KLK13: variants seen among roughly 807,000 people sequenced by gnomAD.
KLK13 encodes kallikrein-13.
In KLK13, 19 loss-of-function variants were observed where a neutral mutation model predicts 22.4. That is an observed-to-expected ratio of 0.85 (90% confidence interval 0.59 to 1.24). KLK13 has a LOEUF of 1.24. Among genes scored for constraint, KLK13 ranks in the 50% most tolerant of loss-of-function variants. The pLI, the probability that KLK13 is intolerant of heterozygous loss-of-function variation, is 0.00. For synonymous variants in KLK13, 156 were observed against 141.8 expected, an observed-to-expected ratio of 1.10 and a Z score of -0.71; for missense variants, 311 against 347.9, an observed-to-expected ratio of 0.89 and a Z score of 0.84.
chr19:51,056,892 G>A (rs1044163474), intron 4 of KLK13, 117 bp from the exon 5 acceptor site: 6 of 728,054 alleles, frequency 8.2e-6, no homozygotes, highest in Non-Finnish European at 1.4e-5. Flanking sequence ...CAGAGAAGGA[G>A]ACTCAGAGAG....
Position 51,058,633 on chromosome 19 carries a change from G to C in KLK13, c.550C>G (p.Arg184Gly). 6.2e-7 allele frequency: 1 copy of C among 1,614,154 alleles called. No individual in the cohort carries two copies. The highest frequency in any genetic ancestry group is 2.2e-5 in the East Asian group (1 of 44,888). Residue 184 changes from arginine (R) to glycine (G), a missense_variant, in exon 4 of 5, where the codon CGC becomes GGC. Transcript: ENST00000595793. Reference protein sequence around the residue: ...KTLQCANIQLRSDEECRQVYP... With the variant: ...KTLQCANIQLGSDEECRQVYP... ...ACTTGACGACACTCCTCATCTGAGC[G>C]AAGTTGGATGTTGGCACATTGTAGA...
chr19:51,064,607 A>G (rs1301825375), intron 1 of KLK13: 1 of 526,612 alleles, frequency 1.9e-6, no homozygotes, highest in East Asian at 5.1e-5. Flanking sequence ...CCTCGTTTCA[A>G]TATTCACAGT....
chr19:51,064,694 G>A (rs888414910), intron 1 of KLK13: 1 of 608,516 alleles, frequency 1.6e-6, no homozygotes, highest in African/African-American at 1.8e-5. Flanking sequence ...CAGCTGCTAG[G>A]CTACTGGCTC....
intron 4 of KLK13, among the ~76,000 whole-genome samples, chr19:51,057,938 AGTGATG>A (rs1284326370): frequency 6.6e-6 from 1 of 152,206 alleles, no homozygotes; most frequent in East Asian, 1.9e-4. Flanking sequence ...GCTCTGGTGG[AGTGATG>A]GCTCAAGACA....
At position 51,059,928 on chromosome 19, in the gene KLK13, C is replaced by G. The variant is rs201907629; in HGVS notation, c.405G>C (p.Gln135His). 1.4e-5 allele frequency: 22 copies of G among 1,610,754 alleles called. No homozygotes were observed. In the East Asian group the frequency reaches 4.7e-4, roughly 34 times the overall value. The part of the protein sequence containing the change: ...IMLLELQSPV[Q>H]LTGYIQTLPL... ...GCAGGGTTTGGATGTAGCCTGTGAGCTGGACCGGGGACTGCAGCTCCAGAA... is the reference window on the plus strand; with the variant it reads ...GCAGGGTTTGGATGTAGCCTGTGAGGTGGACCGGGGACTGCAGCTCCAGAA... Residue 135 changes from glutamine (Q) to histidine (H), a missense_variant, in exon 3 of 5, where the codon CAG becomes CAC. Physicochemically the swap from Gln to His is conservative, Grantham distance 24 (BLOSUM62 0). Coordinates refer to ENST00000595793, the MANE Select transcript of KLK13 (RefSeq NM_015596.3).
chr19:51,061,810 G>A (rs113026240), intron 1 of KLK13, among the ~76,000 whole-genome samples: 23 of 152,344 alleles, frequency 1.5e-4, no homozygotes, highest in African/African-American at 4.3e-4. Flanking sequence ...TTCCCAAGGT[G>A]TGCAGGACTC....
Position 51,059,967 on chromosome 19 carries a change from G to A in KLK13, c.366C>T (p.Asp122=). Residue 122 remains aspartate, a synonymous_variant, in exon 3 of 5, where the codon GAC becomes GAT. Coordinates refer to ENST00000595793, the MANE Select transcript of KLK13 (RefSeq NM_015596.3). The part of the protein sequence containing the change: ...YRRSPTHLNH[D]HDIMLLELQS... ...GCAGCTCCAGAAGCATGATGTCATG[G>A]TCGTGGTTCAGGTGGGTGGGGCTTC... is the stretch of plus-strand genomic sequence containing the variant. The A allele has an allele frequency of 6.2e-7, 1 of 1,613,446 alleles. No individual in the cohort carries two copies.
At position 51,065,009 on chromosome 19, in the gene KLK13, T is replaced by C. The variant is rs1265335415; in HGVS notation, c.52+7A>G. The C allele has an allele frequency of 6.4e-7, 1 of 1,550,884 alleles. No individual in the cohort carries two copies. The highest frequency in any genetic ancestry group is 1.4e-5 in the African/African-American group (1 of 73,480). ...GCCGCCGCGCCTCCACCCCCGCGCA[T>C]TCTTACCTCCTGACAAGGCCAAGGT... On this transcript the variant is annotated splice_region_variant and intron_variant, in intron 1 of 4. Transcript: ENST00000595793.
intron 4 of KLK13, among the ~76,000 whole-genome samples, chr19:51,058,324 T>C (rs1440387279): frequency 1.3e-5 from 2 of 152,226 alleles, no homozygotes; most frequent in Non-Finnish European, 2.9e-5. Flanking sequence ...CACAGGGATC[T>C]TGGCAGCCAC....
chr19:51,065,214 C>A (rs2091772072), upstream of KLK13: 6 of 551,414 alleles, frequency 1.1e-5, no homozygotes, highest in Non-Finnish European at 1.9e-5. Context: ...ACAGCCCTGA[C>A]CCTGGAATCT....
Position 51,059,987 on chromosome 19 carries a change from G to T in KLK13, c.346C>A (p.Pro116Thr). Reference sequence around the variant, plus strand: ...TCATGGTCGTGGTTCAGGTGGGTGGGGCTTCTCCGGTATTCAGGGTGGGGG... The same window carrying T: ...TCATGGTCGTGGTTCAGGTGGGTGGTGCTTCTCCGGTATTCAGGGTGGGGG... Reference protein sequence around the residue: ...SIPHPEYRRSPTHLNHDHDIM... With the variant: ...SIPHPEYRRSTTHLNHDHDIM... Residue 116 changes from proline (P) to threonine (T), a missense_variant, in exon 3 of 5, where the codon CCC becomes ACC. Physicochemically the swap from Pro to Thr is conservative, Grantham distance 38 (BLOSUM62 -1). Coordinates refer to ENST00000595793, the MANE Select transcript of KLK13 (RefSeq NM_015596.3). 1 of 1,613,594 alleles carries T rather than the reference G, an allele frequency of 6.2e-7. No homozygotes were observed.
rs986992021 is a variant in KLK13, at chr19:51,059,866, GTGGTGCCAGGGGTTAGGCGGTTGTT to G, written c.442_466del (p.Asn148ProfsTer15). ...GGTGCCCCAGCCAGACACCCGACAG[GTGGTGCCAGGGGTTAGGCGGTTGTT>G]GTGGGAAAGGGGCAGGGTTTGGATG... On this transcript the variant is annotated frameshift_variant, in exon 3 of 5. Transcript: ENST00000595793. LOFTEE classifies it high-confidence loss of function. 6.2e-7 allele frequency: 1 copy of G among 1,604,378 alleles called. No individual in the cohort carries two copies. The highest frequency in any genetic ancestry group is 1.7e-5 in the Admixed American group (1 of 59,230).
At chr19:51,062,943 G>A (rs189482470) in intron 1 of KLK13, among the ~76,000 whole-genome samples, 278 of 152,204 alleles carry the variant, frequency 1.8e-3, no homozygotes, top group African/African-American at 6.4e-3. Context: ...AGAAGTTGTC[G>A]GTGAGCACAG....
intron 4 of KLK13, among the ~76,000 whole-genome samples, chr19:51,057,866 C>T (rs1235889126): frequency 6.6e-6 from 1 of 152,164 alleles, no homozygotes; most frequent in East Asian, 1.9e-4. Context: ...TTTGTCCCTG[C>T]CCCTCTCCAG....
chr19:51,061,577 T>C (rs951060302), intron 1 of KLK13, among the ~76,000 whole-genome samples: 2 of 152,244 alleles, frequency 1.3e-5, no homozygotes, highest in Admixed American at 6.5e-5. Flanking sequence ...CCAGTTCCTA[T>C]TGGTTTTATC....
intron 1 of KLK13, chr19:51,063,498 C>T: frequency 5.6e-6 from 2 of 358,322 alleles, no homozygotes; most frequent in Non-Finnish European, 5.5e-6. Flanking sequence ...CTGACTCAGG[C>T]ATCGCCGGTG....
In KLK13 at chr19:51,055,699, T is replaced by C. The variant is rs1359419084; in HGVS notation, c.*888A>G. 6.6e-6 allele frequency among the ~76,000 whole-genome samples: 1 copy of C among 152,144 alleles called. No homozygotes were observed. Among genetic ancestry groups the C allele is most frequent in the Non-Finnish European group, 1.5e-5 (1 of 68,040 alleles). On this transcript the variant is annotated 3_prime_UTR_variant, in exon 5 of 5. Transcript: ENST00000595793. ...AAAAATTATGAACCCATTTTACAGA[T>C]GAGAAAGCACAGAGACTGTGAGTTT...
chr19:51,064,640 T>G, intron 1 of KLK13: 1 of 551,724 alleles, frequency 1.8e-6, no homozygotes, highest in Non-Finnish European at 3.5e-6. Context: ...TAAGCACTTA[T>G]AGATTAAGCC....
chr19:51,061,987 C>T (rs1033360654), intron 1 of KLK13, among the ~76,000 whole-genome samples: 4 of 152,044 alleles, frequency 2.6e-5, no homozygotes, highest in Admixed American at 1.3e-4. Context: ...TTTATACTTG[C>T]TATTTCCTCT....
Sources: allele counts gnomAD v4.1 joint callset (sites outside exome capture counted in the v4.1 genomes callset), GRCh38; gene constraint gnomAD v4.1.1; transcripts MANE v1.5; gene names NCBI Gene and HGNC (gene_info 2026-07-23, HGNC 2026-07-21).